The following CASQ2 variants were observed in gnomAD, a reference collection of about 807,000 sequenced individuals.
CASQ2 encodes calsequestrin 2, also known as calsequestrin-2.
A neutral mutation model predicts 46.5 loss-of-function variants in CASQ2; 49 were observed. That is an observed-to-expected ratio of 1.05 (90% CI 0.84 to 1.34). The LOEUF (loss-of-function observed/expected upper bound fraction) is 1.34. CASQ2 is among the 40% of genes most tolerant of loss of function. CASQ2 has a pLI of 0.00. For missense variants in CASQ2, 486 were observed against 481.3 expected, an observed-to-expected ratio of 1.01 and a Z score of -0.09; for synonymous variants, 174 against 168.5, an observed-to-expected ratio of 1.03 and a Z score of -0.25.
rs936087593 is a variant in CASQ2 at position 115,700,931 on chromosome 1, C to A, written c.*310G>T. ...AACTTGTGTTAGGGGATTGTTCACC[C>A]TAGACTGCCATGTTCAGGCACTGCC... On this transcript the variant is annotated 3_prime_UTR_variant, in exon 11 of 11. Transcript: ENST00000261448. 2.3e-5 allele frequency: 14 copies of A among 603,488 alleles called. No homozygotes were observed. The highest frequency in any genetic ancestry group is 3.8e-5 in the Non-Finnish European group (13 of 339,968). The allele number at this position is 603,488 out of a possible 1,614,324, so 37.4% of individuals were successfully genotyped here. A position where few individuals can be genotyped will look rare whatever the true frequency, so the allele number is the denominator to read the frequency against.
In CASQ2 at chr1:115,702,918, C is replaced by A; in HGVS notation, c.1014+3G>T. ...TGAGCAAGCCTTCACAGGGGATACTCACATCTGTGACATTCACCACCCCAA... is the reference window on the plus strand; with the variant it reads ...TGAGCAAGCCTTCACAGGGGATACTAACATCTGTGACATTCACCACCCCAA... On this transcript the variant is annotated splice_donor_region_variant and intron_variant, in intron 10 of 10. Coordinates refer to ENST00000261448, the MANE Select transcript of CASQ2 (RefSeq NM_001232.4). 6.2e-7 allele frequency: 1 copy of A among 1,611,498 alleles called. No homozygotes were observed. The highest frequency in any genetic ancestry group is 1.1e-5 in the South Asian group (1 of 90,756).
chr1:115,760,826 T>G (rs1648911151), intron 1 of CASQ2, among the ~76,000 whole-genome samples: 1 of 152,088 alleles, frequency 6.6e-6, no homozygotes, highest in Non-Finnish European at 1.5e-5. Flanking sequence ...GTGAAGAAAA[T>G]TCACATTGAT....
At chr1:115,733,130 A>C (rs1484687424) in intron 4 of CASQ2, among the ~76,000 whole-genome samples, 156 bp from the exon 5 acceptor site, 1 of 152,208 alleles carries the variant, frequency 6.6e-6, no homozygotes, top group Non-Finnish European at 1.5e-5. Flanking sequence ...AATATTATTT[A>C]AGCCCATAGT....
chr1:115,732,848 T>G, intron 5 of CASQ2, 53 bp downstream of exon 5: 4 of 1,294,308 alleles, frequency 3.1e-6, no homozygotes, highest in Non-Finnish European at 4.5e-6. Flanking sequence ...AGTTCAAACT[T>G]TAATTCTTCA....
chr1:115,751,078 C>A (rs1423158990), intron 1 of CASQ2, among the ~76,000 whole-genome samples: 2 of 152,198 alleles, frequency 1.3e-5, no homozygotes, highest in African/African-American at 4.8e-5. Context: ...GTGGACAATA[C>A]CAATATCTAT....
At chr1:115,763,667 T>G (rs1649035796) in intron 1 of CASQ2, among the ~76,000 whole-genome samples, 1 of 152,212 alleles carries the variant, frequency 6.6e-6, no homozygotes, top group African/African-American at 2.4e-5. Flanking sequence ...CATTCAATCC[T>G]CACAACAGCA....
chr1:115,725,649 G>A, intron 6 of CASQ2, 96 bp from the exon 7 acceptor site: 2 of 1,463,112 alleles, frequency 1.4e-6, no homozygotes, highest in Non-Finnish European at 1.9e-6. Flanking sequence ...AATGTAAAAT[G>A]AGATGATGCT....
At chr1:115,740,469 A>C (rs1648137571) in intron 3 of CASQ2, among the ~76,000 whole-genome samples, 1 of 152,126 alleles carries the variant, frequency 6.6e-6, no homozygotes, top group African/African-American at 2.4e-5. Flanking sequence ...ATTTCAATAG[A>C]CGTCTATGTA....
At chr1:115,724,691 T>G (rs1647512877) in intron 7 of CASQ2, among the ~76,000 whole-genome samples, 1 of 152,240 alleles carries the variant, frequency 6.6e-6, no homozygotes, top group African/African-American at 2.4e-5. Flanking sequence ...TTGGCTCAGC[T>G]GCTTGCCAGT....
chr1:115,765,487 A>C (rs995226868), intron 1 of CASQ2, among the ~76,000 whole-genome samples: 5 of 152,196 alleles, frequency 3.3e-5, no homozygotes, highest in Admixed American at 1.3e-4. Context: ...GAAATTCCTC[A>C]GGTGTTTCAG....
chr1:115,726,995 T>G lies in CASQ2; in HGVS notation c.734A>C (p.Gln245Pro). ...EELVEFVKEH[Q>P]RPTLRRLRPE... is the part of the protein sequence containing the mutation. The stretch of plus-strand genomic sequence containing the variant: ...CCCCACATGCCATCTCAGGCACCTT[T>G]GGTGTTCCTTCACAAACTCCACCAG... The change falls in exon 6 of 11, where the codon CAA (glutamine) becomes CCA (proline). Residue 245 changes from glutamine (Q) to proline (P), a missense_variant. Physicochemically the swap from Gln to Pro is moderately conservative, Grantham distance 76. Coordinates refer to ENST00000261448, the MANE Select transcript of CASQ2 (RefSeq NM_001232.4). The G allele has an allele frequency of 1.2e-6, 2 of 1,612,620 alleles. No homozygotes were observed. Among genetic ancestry groups the G allele is most frequent in the Non-Finnish European group, 1.7e-6 (2 of 1,179,188 alleles).
chr1:115,706,555 C>T (rs1315547804), intron 8 of CASQ2, among the ~76,000 whole-genome samples: 1 of 152,170 alleles, frequency 6.6e-6, no homozygotes, highest in Non-Finnish European at 1.5e-5. Flanking sequence ...TAATTATCAG[C>T]CCCAGCTTCC....
chr1:115,738,741 C>A (rs760869169), intron 3 of CASQ2, among the ~76,000 whole-genome samples: 1 of 152,102 alleles, frequency 6.6e-6, no homozygotes, highest in African/African-American at 2.4e-5. Context: ...TTGAAATTTA[C>A]TCTTTTAGTG....
At chr1:115,705,332 T>A (rs367753524) in intron 8 of CASQ2, 40 bp from the exon 9 acceptor site, 3 of 1,284,490 alleles carry the variant, frequency 2.3e-6, no homozygotes, top group African/African-American at 2.9e-5. Context: ...CCCCTGCACA[T>A]ACACAGCTTC....
intron 4 of CASQ2, among the ~76,000 whole-genome samples, chr1:115,735,024 C>T (rs1050404411): frequency 6.6e-6 from 1 of 152,166 alleles, no homozygotes; most frequent in Non-Finnish European, 1.5e-5. Flanking sequence ...CACAGTTAAA[C>T]TCTGAAGTCA....
intron 4 of CASQ2, among the ~76,000 whole-genome samples, chr1:115,733,438 T>C (rs1647858960): frequency 6.6e-6 from 1 of 152,190 alleles, no homozygotes; most frequent in South Asian, 2.1e-4. Context: ...ATCACAGAAG[T>C]ATTTTAAACT....
chr1:115,725,356 C>A (rs60276235), intron 7 of CASQ2, 152 bp downstream of exon 7: 9 of 910,524 alleles, frequency 9.9e-6, no homozygotes, highest in Non-Finnish European at 1.6e-5. Context: ...TCTGAGCCGT[C>A]GTACCCAATC....
intron 1 of CASQ2, among the ~76,000 whole-genome samples, chr1:115,754,622 G>A (rs1054681500): frequency 2.0e-5 from 3 of 152,120 alleles, no homozygotes; most frequent in African/African-American, 7.2e-5. Flanking sequence ...AAGTGACCCA[G>A]CTAGGATCTC....
intron 1 of CASQ2, among the ~76,000 whole-genome samples, chr1:115,759,166 A>G (rs991329110): frequency 2.0e-5 from 3 of 152,214 alleles, no homozygotes; most frequent in Non-Finnish European, 4.4e-5. Flanking sequence ...TTCCATCTGC[A>G]TCTTTGTAAG....
Sources: allele counts gnomAD v4.1 joint callset (sites outside exome capture counted in the v4.1 genomes callset), GRCh38; gene constraint gnomAD v4.1.1; transcripts MANE v1.5; gene names NCBI Gene and HGNC (gene_info 2026-07-23, HGNC 2026-07-21).